Variants in UPF2 observed in about 807,000 individuals in gnomAD.
The protein encoded by UPF2 is UPF2 regulator of nonsense mediated mRNA decay.
UPF2 carries 17 observed loss-of-function variants against 141.4 expected under a neutral mutation model. The ratio of observed to expected loss-of-function variants is 0.12; its 90% CI spans 0.08 to 0.18. The LOEUF (loss-of-function observed/expected upper bound fraction) is 0.18. UPF2 is among the 10% of genes least tolerant of loss of function. UPF2 has a pLI of 1.00. For synonymous variants in UPF2, 540 were observed against 498.0 expected (o/e 1.08, Z -1.12); for missense variants, 1,152 against 1,515.9 (o/e 0.76, Z 3.99).
At chr10:11,944,141 A>G (rs2131173044) in intron 16 of UPF2, among the ~76,000 whole-genome samples, 1 of 152,328 alleles carries the variant, frequency 6.6e-6, no homozygotes, top group East Asian at 1.9e-4. Context: ...AATTAATTCC[A>G]AAACCCCAAC....
intron 21 of UPF2, among the ~76,000 whole-genome samples, chr10:11,924,950 C>G (rs1487195359): frequency 6.6e-6 from 1 of 152,134 alleles, no homozygotes; most frequent in East Asian, 1.9e-4. Context: ...TCCCGAGTAG[C>G]TGGGATTATA....
At chr10:11,963,327 T>TATTC (rs112489937) in intron 11 of UPF2, among the ~76,000 whole-genome samples, 2,567 of 144,870 alleles carry the variant, frequency 0.018, 62 homozygotes, top group African/African-American at 0.051. Context: ...GCTGTGTGAG[T>TATTC]ATTCATTCAT....
intron 16 of UPF2, among the ~76,000 whole-genome samples, chr10:11,944,345 T>C (rs1005252255): frequency 1.3e-5 from 2 of 151,942 alleles, no homozygotes; most frequent in Non-Finnish European, 2.9e-5. Context: ...AATACAAAAA[T>C]TGGCCAGACG....
In UPF2 at chr10:12,025,581, T is replaced by TAAATAAAC. The variant is rs1355044460; in HGVS notation, c.1145+3163_1145+3164insGTTTATTT. ...ATAAATAAATAAATAAATAAATAAA[T>TAAATAAAC]AGGCTGTGACAATACTAAGGTCAGT... On this transcript the variant is annotated intron_variant, in intron 3 of 21. Transcript: ENST00000357604. Among the ~76,000 whole-genome samples the TAAATAAAC allele has an allele frequency of 8.1e-4, 123 of 151,950 alleles. 1 individual carries two copies. Among genetic ancestry groups the TAAATAAAC allele is most frequent in the African/African-American group, 2.8e-3 (115 of 41,396 alleles).
At position 11,921,419 on chromosome 10, in the gene UPF2, G is replaced by T. The variant is rs1832643092; in HGVS notation, c.3810-112C>A. 2 of 1,378,718 alleles carry T rather than the reference G, an allele frequency of 1.5e-6. No homozygotes were observed. The highest frequency in any genetic ancestry group is 1.8e-5 in the Admixed American group (1 of 55,600). The allele number at this position is 1,378,718 out of a possible 1,614,324, so 85.4% of individuals were successfully genotyped here. A position where few individuals can be genotyped will look rare whatever the true frequency, so the allele number is the denominator to read the frequency against. The stretch of plus-strand genomic sequence containing the variant: ...CACCAAGTCACTCCCCCAAGTTACA[G>T]GTGGCCCTGGCATCTGCGGGTTCCA... On this transcript the variant is annotated intron_variant, in intron 21 of 21. Transcript: ENST00000357604. The surrounding 1 kb of genome is among the most constrained non-coding windows in gnomAD (Gnocchi z 5.9).
At position 11,959,123 on chromosome 10, in the gene UPF2, C is replaced by A; in HGVS notation, c.2370+48G>T. On this transcript the variant is annotated intron_variant, in intron 12 of 21. Transcript: ENST00000357604. The surrounding 1 kb of genome is among the most constrained non-coding windows in gnomAD (Gnocchi z 5.9). ...TAGACTCTACATAAGCTTAGCACTACCACAAATCTCACGTTAACTATTAAC... is the reference window on the plus strand; with the variant it reads ...TAGACTCTACATAAGCTTAGCACTAACACAAATCTCACGTTAACTATTAAC... 2 of 1,527,004 alleles carry A rather than the reference C, an allele frequency of 1.3e-6. No homozygotes were observed. Among genetic ancestry groups the A allele is most frequent in the Non-Finnish European group, 1.7e-6 (2 of 1,143,366 alleles). 94.6% of individuals were successfully genotyped at this position (1,527,004 alleles called of 1,614,324 possible). A position where few individuals can be genotyped will look rare whatever the true frequency, so the allele number is the denominator to read the frequency against.
intron 2 of UPF2, among the ~76,000 whole-genome samples, chr10:12,033,120 T>C (rs1042563595): frequency 2.0e-5 from 3 of 152,142 alleles, no homozygotes; most frequent in Admixed American, 2.0e-4. Context: ...AATTATATAT[T>C]TGGCCACGCA....
intron 21 of UPF2, among the ~76,000 whole-genome samples, chr10:11,924,881 G>A (rs1365518334): frequency 2.0e-5 from 3 of 151,934 alleles, no homozygotes; most frequent in Non-Finnish European, 4.4e-5. Flanking sequence ...GTGCAATGGC[G>A]CAATCTTGGC....
rs966021113 is a variant in UPF2 at position 11,975,570 on chromosome 10, G to A, written c.1953+3487C>T. On this transcript the variant is annotated intron_variant, in intron 9 of 21. Coordinates refer to ENST00000357604, the MANE Select transcript of UPF2 (RefSeq NM_015542.4). The stretch of plus-strand genomic sequence containing the variant: ...GTTGCCCAGGCTGGAGTGCAGTGGC[G>A]CAATCTCAGCTCACTGCAACCTCCA... Among the ~76,000 whole-genome samples, 8 of 152,098 alleles carry A rather than the reference G, an allele frequency of 5.3e-5. No individual in the cohort carries two copies. In the East Asian group the frequency reaches 1.2e-3, roughly 22 times the overall value.
At chr10:11,960,030 T>C (rs1200701712) in intron 11 of UPF2, among the ~76,000 whole-genome samples, 1 of 152,158 alleles carries the variant, frequency 6.6e-6, no homozygotes, top group East Asian at 1.9e-4. Context: ...TCACTCACCG[T>C]CTACTTCATG....
intron 8 of UPF2, among the ~76,000 whole-genome samples, chr10:11,987,486 G>A (rs1432027168): frequency 6.6e-6 from 1 of 152,010 alleles, no homozygotes; most frequent in Non-Finnish European, 1.5e-5. Context: ...GGCTGGGCAC[G>A]GAGGCTCCTG....
rs1418135069 is a variant in UPF2, at chr10:11,952,114, A to C, written c.2986T>G (p.Ser996Ala). The change falls in exon 15 of 22, where the codon TCC (serine) becomes GCC (alanine). Residue 996 changes from serine to alanine, a missense_variant. Physicochemically the swap from Ser to Ala is moderately conservative, Grantham distance 99. Coordinates refer to ENST00000357604, the MANE Select transcript of UPF2 (RefSeq NM_015542.4). ...KIKLCNSLEE[S>A]IRQVQDLERE... is the part of the protein sequence containing the mutation. ...TCCAAGTCTTGTACCTGCCTGATGG[A>C]TTCTTCCAGAGAATTACAGAGTTTG... 1 of 1,613,962 alleles carries C rather than the reference A, an allele frequency of 6.2e-7. No individual in the cohort carries two copies. The highest frequency in any genetic ancestry group is 1.3e-5 in the African/African-American group (1 of 74,914).
intron 21 of UPF2, chr10:11,923,054 A>C (rs35483004): frequency 6.6e-6 from 1 of 152,146 alleles, no homozygotes; most frequent in Non-Finnish European, 1.5e-5. Flanking sequence ...TAAAACAACA[A>C]CAAAATCATT....
In UPF2 at chr10:12,007,701, G is replaced by T. The variant is rs112970455; in HGVS notation, c.1307-2974C>A. ...AAAAAATTAGCCGGCCGTGGTGGCA[G>T]GCACCTGTAGTCCCAGCTACTCAGG... On this transcript the variant is annotated intron_variant, in intron 4 of 21. Coordinates refer to ENST00000357604, the MANE Select transcript of UPF2 (RefSeq NM_015542.4). Among the ~76,000 whole-genome samples, 254 of 151,880 alleles carry T rather than the reference G, an allele frequency of 1.7e-3. 1 individual carries two copies. Among genetic ancestry groups the T allele is most frequent in the African/African-American group, 5.7e-3 (235 of 41,444 alleles).
Position 12,035,280 on chromosome 10 carries a change from C to T in UPF2, c.144G>A (p.Glu48=). Residue 48 remains glutamate, a synonymous_variant, in exon 2 of 22, where the codon GAG becomes GAA. Transcript: ENST00000357604. ...TCTTGTCTTCAGGGGCCTTGCTGAC[C>T]TCCTTCTTGGCAGTGAGCTTGATAT... is the stretch of plus-strand genomic sequence containing the variant. The part of the protein sequence containing the change: ...KDDIKLTAKK[E]VSKAPEDKKK... 1 of 1,613,890 alleles carries T rather than the reference C, an allele frequency of 6.2e-7. No individual in the cohort carries two copies. The highest frequency in any genetic ancestry group is 8.5e-7 in the Non-Finnish European group (1 of 1,180,016).
intron 8 of UPF2, among the ~76,000 whole-genome samples, chr10:11,985,360 G>A (rs1270923444): frequency 1.3e-5 from 2 of 152,034 alleles, no homozygotes; most frequent in African/African-American, 4.8e-5. Flanking sequence ...TCTGCTGGCC[G>A]GGTGCAGTGG....
intron 2 of UPF2, among the ~76,000 whole-genome samples, chr10:12,034,295 A>C (rs1222747341): frequency 1.3e-5 from 2 of 152,088 alleles, no homozygotes; most frequent in African/African-American, 4.8e-5. Flanking sequence ...GTACTATCAT[A>C]CCATGAAAAA....
In UPF2 at chr10:11,953,272, T is replaced by C. The variant is rs1207373185; in HGVS notation, c.2851-1023A>G. 1.3e-5 allele frequency among the ~76,000 whole-genome samples: 2 copies of C among 152,216 alleles called. No homozygotes were observed. The highest frequency in any genetic ancestry group is 1.3e-4 in the Admixed American group (2 of 15,288). ...AGTGTGGACCTCATCTGGGAGCTTC[T>C]TAGAAATGTAGAATCTCAGGCCTCC... On this transcript the variant is annotated intron_variant, in intron 14 of 21. Transcript: ENST00000357604. This position sits in a 1 kb window ranked among gnomAD's most constrained non-coding sequence, Gnocchi z 5.0.
At chr10:12,024,948 A>AAC (rs1439000980) in intron 3 of UPF2, among the ~76,000 whole-genome samples, 2 of 150,130 alleles carry the variant, frequency 1.3e-5, no homozygotes, top group Non-Finnish European at 3.0e-5. Context: ...AAAAAAAAAA[A>AAC]AAAAAAAAAC....
Sources: gnomAD v4.1 joint callset for allele counts (sites outside exome capture counted in the v4.1 genomes callset) on GRCh38, gnomAD v4.1.1 for gene constraint, Gnocchi (gnomAD v3.1) non-coding constraint, MANE v1.5 for transcripts, NCBI Gene and HGNC (gene_info 2026-07-23, HGNC 2026-07-21) for gene names.